FYB1: variants seen among roughly 807,000 people sequenced by gnomAD.
The protein encoded by FYB1 is FYN-binding protein 1.
In FYB1, 41 loss-of-function variants were observed where a neutral mutation model predicts 94.1. The observed-to-expected ratio is 0.44, with a 90% CI of 0.34 to 0.57. The LOEUF (loss-of-function observed/expected upper bound fraction) is 0.57, where lower values mean the gene tolerates loss of function less well. FYB1 is among the 20% of genes least tolerant of loss of function. The pLI is 0.02. For missense variants in FYB1, 1,050 were observed against 976.8 expected (o/e 1.07, Z -1.00); for synonymous variants, 367 against 353.2 (o/e 1.04, Z -0.44).
intron 1 of FYB1, among the ~76,000 whole-genome samples, chr5:39,210,296 C>G (rs940288880): frequency 6.6e-6 from 1 of 152,206 alleles, no homozygotes; most frequent in African/African-American, 2.4e-5. Context: ...GTGTGTGCCC[C>G]GCCAGGTCCC....
intron 1 of FYB1, among the ~76,000 whole-genome samples, chr5:39,266,966 T>C (rs2111719741): frequency 6.6e-6 from 1 of 152,262 alleles, no homozygotes; most frequent in South Asian, 2.1e-4. Context: ...TTCTGAGACG[T>C]AACAAAATGT....
intron 17 of FYB1, among the ~76,000 whole-genome samples, 165 bp from the exon 18 acceptor site, chr5:39,108,427 T>C (rs1256346272): frequency 2.6e-5 from 4 of 152,258 alleles, no homozygotes; most frequent in African/African-American, 9.6e-5. Context: ...CATTATCTCT[T>C]CTTTCATTGA....
chr5:39,146,124 AG>A (rs1160270370), intron 3 of FYB1, among the ~76,000 whole-genome samples: 14 of 152,006 alleles, frequency 9.2e-5, no homozygotes, highest in African/African-American at 1.7e-4. Flanking sequence ...CATGTTGGCT[AG>A]GCTGGTCTTG....
At chr5:39,190,882 C>T (rs996057395) in intron 2 of FYB1, among the ~76,000 whole-genome samples, 8 of 151,662 alleles carry the variant, frequency 5.3e-5, no homozygotes, top group African/African-American at 1.9e-4. Context: ...GTGGGAGAAA[C>T]AGAAGTCCTG....
intron 2 of FYB1, among the ~76,000 whole-genome samples, chr5:39,167,288 C>T (rs1459310352): frequency 6.6e-6 from 1 of 151,026 alleles, no homozygotes; most frequent in African/African-American, 2.4e-5. Flanking sequence ...TCTCTCTCTC[C>T]CTTGTTTTTG....
intron 2 of FYB1, among the ~76,000 whole-genome samples, chr5:39,180,669 C>T (rs569675925): frequency 7.9e-5 from 12 of 152,278 alleles, no homozygotes; most frequent in South Asian, 2.1e-4. Context: ...GCTGCCTCCA[C>T]GAAGTGGTAA....
At chr5:39,177,994 A>G (rs962798650) in intron 2 of FYB1, among the ~76,000 whole-genome samples, 1 of 152,202 alleles carries the variant, frequency 6.6e-6, no homozygotes, top group Non-Finnish European at 1.5e-5. Flanking sequence ...TTTCCTGCAA[A>G]CACAAAATAT....
rs1760309099 is a variant in FYB1, at chr5:39,105,279, C to A, written c.*2164G>T. The A allele has an allele frequency of 1.3e-5, 2 of 152,176 alleles. No individual in the cohort carries two copies. Among genetic ancestry groups the A allele is most frequent in the South Asian group, 4.2e-4 (2 of 4,818 alleles). The allele number at this position is 152,176 out of a possible 1,614,324, so 9.4% of individuals were successfully genotyped here. ...ATCCATTGAAGGTATTATTTATTTG[C>A]AGCTCATCTTAAGTGACAAAATTCC... On this transcript the variant is annotated 3_prime_UTR_variant, in exon 19 of 19. Coordinates refer to ENST00000512982, the MANE Select transcript of FYB1 (RefSeq NM_001465.6).
intron 1 of FYB1, among the ~76,000 whole-genome samples, chr5:39,206,964 C>T (rs1367898257): frequency 3.9e-5 from 6 of 152,132 alleles, no homozygotes; most frequent in African/African-American, 1.4e-4. Context: ...TGTTTGGTAC[C>T]TATGTCAATT....
chr5:39,151,153 A>G (rs977782802), intron 3 of FYB1, among the ~76,000 whole-genome samples: 1 of 152,142 alleles, frequency 6.6e-6, no homozygotes, highest in African/African-American at 2.4e-5. Flanking sequence ...GTATAAATAT[A>G]TACTTCTCTC....
At chr5:39,261,975 A>G (rs1365826407) in intron 1 of FYB1, among the ~76,000 whole-genome samples, 1 of 152,214 alleles carries the variant, frequency 6.6e-6, no homozygotes, top group Non-Finnish European at 1.5e-5. Flanking sequence ...CCTGCCTTGC[A>G]TCACAAATAT....
chr5:39,110,573 C>T lies in FYB1; in HGVS notation c.2402-184G>A, dbSNP rs41302830. 3,791 of 476,254 alleles carry T rather than the reference C, an allele frequency of 8.0e-3. 15 individuals carry two copies. Among genetic ancestry groups the T allele is most frequent in the Non-Finnish European group, 0.011 (2,921 of 261,128 alleles). The allele number at this position is 476,254 out of a possible 1,614,324, so 29.5% of individuals were successfully genotyped here. A position where few individuals can be genotyped will look rare whatever the true frequency, so the allele number is the denominator to read the frequency against. Reference sequence around the variant, plus strand: ...TGTGTCCTTCCTTTCTTCTCCTTTTCTCCCTAACTTTTCTCTTTCTCCAGT... The same window carrying T: ...TGTGTCCTTCCTTTCTTCTCCTTTTTTCCCTAACTTTTCTCTTTCTCCAGT... On this transcript the variant is annotated intron_variant, in intron 16 of 18. Coordinates refer to ENST00000512982, the MANE Select transcript of FYB1 (RefSeq NM_001465.6).
intron 2 of FYB1, among the ~76,000 whole-genome samples, chr5:39,158,671 C>T (rs750032131): frequency 6.6e-6 from 1 of 152,128 alleles, no homozygotes; most frequent in African/African-American, 2.4e-5. Flanking sequence ...AGGATATCTA[C>T]CTTGTAGATT....
intron 2 of FYB1, among the ~76,000 whole-genome samples, chr5:39,177,420 TG>T (rs1236453074): frequency 6.6e-6 from 1 of 152,200 alleles, no homozygotes; most frequent in East Asian, 1.9e-4. Flanking sequence ...CTTCACATTT[TG>T]CAAAATGAGA....
intron 1 of FYB1, among the ~76,000 whole-genome samples, chr5:39,235,570 CTTG>C (rs1271349537): frequency 2.9e-5 from 4 of 136,618 alleles, no homozygotes; most frequent in Admixed American, 6.9e-5. Flanking sequence ...TAAATCTTTA[CTTG>C]TTTTTTTTTT....
chr5:39,220,479 C>T (rs1420817661), upstream of FYB1, among the ~76,000 whole-genome samples: 2 of 147,968 alleles, frequency 1.4e-5, no homozygotes, highest in African/African-American at 5.0e-5. Context: ...GAAAGAAACT[C>T]AAAAAAGAAA....
At position 39,210,486 on chromosome 5, in the gene FYB1, G is replaced by C. The variant is rs576836429; in HGVS notation, c.-27-7499C>G. ...CAAGTAGTAAAGCTTTGATGGTGAT[G>C]GTCCACCTCCCAAATGCTGGCGCCT... is the stretch of plus-strand genomic sequence containing the variant. On this transcript the variant is annotated intron_variant, in intron 1 of 18. Transcript: ENST00000512982. Among the ~76,000 whole-genome samples the C allele has an allele frequency of 3.3e-5, 5 of 152,314 alleles. No homozygotes were observed. The South Asian group carries it at 8.3e-4, about 25-fold the overall frequency.
intron 2 of FYB1, among the ~76,000 whole-genome samples, chr5:39,172,795 C>A (rs916074821): frequency 6.6e-6 from 1 of 152,148 alleles, no homozygotes. Flanking sequence ...TTTTTTGTTG[C>A]TGCATAGTAT....
At chr5:39,214,883 C>T (rs954057899) in intron 1 of FYB1, among the ~76,000 whole-genome samples, 2 of 152,038 alleles carry the variant, frequency 1.3e-5, no homozygotes, top group African/African-American at 2.4e-5. Flanking sequence ...GAGCCAAGAT[C>T]GCACCACTGC....
Sources: allele counts gnomAD v4.1 joint callset (sites outside exome capture counted in the v4.1 genomes callset), GRCh38; gene constraint gnomAD v4.1.1; transcripts MANE v1.5; gene names NCBI Gene and HGNC (gene_info 2026-07-23, HGNC 2026-07-21).